FHOD1: variants seen among roughly 807,000 people sequenced by gnomAD.
FHOD1 encodes the protein formin homology 2 domain containing 1, also known as FH1/FH2 domain-containing protein 1.
FHOD1 carries 89 observed loss-of-function variants against 111.6 expected under a neutral mutation model. The ratio of observed to expected loss-of-function variants is 0.80; its 90% CI spans 0.67 to 0.95. The LOEUF is 0.95. FHOD1 is among the 40% of genes least tolerant of loss of function. The probability of loss-of-function intolerance (pLI) is 0.00; values close to 1 mark genes in which losing one functional copy is unlikely to be tolerated. For missense variants in FHOD1, 1,446 were observed against 1,554.2 expected (o/e 0.93, Z 1.17); for synonymous variants, 618 against 639.0 (o/e 0.97, Z 0.50).
Position 67,238,547 on chromosome 16 carries a change from A to G in FHOD1, c.374-100T>C, listed in dbSNP as rs2034577834. 7 of 1,186,194 alleles carry G rather than the reference A, an allele frequency of 5.9e-6. No homozygotes were observed. The highest frequency in any genetic ancestry group is 8.6e-6 in the Non-Finnish European group (7 of 815,444). The allele number at this position is 1,186,194 out of a possible 1,614,324, so 73.5% of individuals were successfully genotyped here. A position where few individuals can be genotyped will look rare whatever the true frequency, so the allele number is the denominator to read the frequency against. ...TCTCCACCAAAGAATAGTCTAATATATATGTTTTGGTCTGAGAGACAGGGT... is the reference window on the plus strand; with the variant it reads ...TCTCCACCAAAGAATAGTCTAATATGTATGTTTTGGTCTGAGAGACAGGGT... On this transcript the variant is annotated intron_variant, in intron 3 of 21. Transcript: ENST00000258201. This position sits in a 1 kb window ranked among gnomAD's most constrained non-coding sequence, Gnocchi z 4.2.
In FHOD1 at chr16:67,232,121, A is replaced by C; in HGVS notation, c.2120T>G (p.Leu707Arg). ...PKRSNAINIG[L>R]TTLPPVHVIK... ...GACATGCACAGGTGGCAGTGTGGTT[A>C]GGCCGATGTTGATGGCGTTGCTGCG... is the stretch of plus-strand genomic sequence containing the variant. The change falls in exon 14 of 22, where the codon CTA (leucine) becomes CGA (arginine). Residue 707 changes from leucine (L) to arginine (R), a missense_variant. Transcript: ENST00000258201. The C allele has an allele frequency of 6.2e-7, 1 of 1,614,224 alleles. No homozygotes were observed. The highest frequency in any genetic ancestry group is 8.5e-7 in the Non-Finnish European group (1 of 1,180,040).
At chr16:67,232,446 G>A (rs2034316453) in intron 13 of FHOD1, among the ~76,000 whole-genome samples, 1 of 151,178 alleles carries the variant, frequency 6.6e-6, no homozygotes. Flanking sequence ...GTGAACCCGG[G>A]AGGCGGAGCT....
chr16:67,234,718 A>G, intron 11 of FHOD1: 1 of 501,386 alleles, frequency 2.0e-6, no homozygotes, highest in Non-Finnish European at 3.6e-6. Flanking sequence ...GGATCTACTT[A>G]ACATCTAACT....
Position 67,231,083 on chromosome 16 carries a change from G to T in FHOD1, c.2667+105C>A, listed in dbSNP as rs534313097. 6.9e-6 allele frequency: 10 copies of T among 1,450,898 alleles called. No individual in the cohort carries two copies. The Admixed American group carries it at 1.4e-4, about 21-fold the overall frequency. The allele number at this position is 1,450,898 out of a possible 1,614,324, so 89.9% of individuals were successfully genotyped here. ...GCTCACACCCAGGTGGCTGGAGCAA[G>T]CCCTGGCACAGCAGCCCAAATGGGG... On this transcript the variant is annotated intron_variant, in intron 17 of 21. Coordinates refer to ENST00000258201, the MANE Select transcript of FHOD1 (RefSeq NM_013241.3). This position sits in a 1 kb window ranked among gnomAD's most constrained non-coding sequence, Gnocchi z 4.3.
chr16:67,232,072 A>C lies in FHOD1; in HGVS notation c.2169T>G (p.Phe723Leu), dbSNP rs1246179053. Residue 723 changes from phenylalanine to leucine, a missense_variant, in exon 14 of 22, where the codon TTT (phenylalanine) becomes TTG (leucine). By Grantham distance (22) the Phe-to-Leu change is conservative. Around this residue, in one of 3 missense-constraint regions of FHOD1, gnomAD observed 1,085 missense variants for 1,108.8 expected, o/e 0.98. Transcript: ENST00000258201. Reference sequence around the variant, plus strand: ...CATCCTTGCTGACAGCAAACTCATCAAAGTTGAGCAGAGCAGCCTTAATGA... The same window carrying C: ...CATCCTTGCTGACAGCAAACTCATCCAAGTTGAGCAGAGCAGCCTTAATGA... ...VHVIKAALLNFDEFAVSKDGI... is the reference protein window; with the variant it reads ...VHVIKAALLNLDEFAVSKDGI... The C allele has an allele frequency of 6.2e-7, 1 of 1,614,202 alleles. No individual in the cohort carries two copies. Among genetic ancestry groups the C allele is most frequent in the South Asian group, 1.1e-5 (1 of 91,078 alleles).
chr16:67,232,380 G>A (rs1213185438), intron 13 of FHOD1, among the ~76,000 whole-genome samples, 186 bp from the exon 14 acceptor site: 8 of 152,112 alleles, frequency 5.3e-5, no homozygotes, highest in South Asian at 2.1e-4. Flanking sequence ...TTAGCTGGGC[G>A]TGGTGGCGGG....
At chr16:67,243,733 C>T (rs1016148470) in intron 1 of FHOD1, among the ~76,000 whole-genome samples, 2 of 152,190 alleles carry the variant, frequency 1.3e-5, no homozygotes, top group African/African-American at 4.8e-5. Flanking sequence ...AAGACATCCT[C>T]TTAGTTTTCT....
rs73589001 is a variant in FHOD1 at position 67,238,370 on chromosome 16, G to A, written c.441+10C>T. On this transcript the variant is annotated intron_variant, in intron 4 of 21. Coordinates refer to ENST00000258201, the MANE Select transcript of FHOD1 (RefSeq NM_013241.3). This position sits in a 1 kb window ranked among gnomAD's most constrained non-coding sequence, Gnocchi z 4.2. ...TACACACTTACCCCCAGCCCACTGC[G>A]GGGCCTCACCTGGAAGATCTGCTTC... 13,286 of 1,613,972 alleles carry A rather than the reference G, an allele frequency of 8.2e-3. 912 individuals are homozygous for A. In the African/African-American group the frequency reaches 0.16, roughly 19 times the overall value.
At chr16:67,232,362 A>G (rs2034312096) in intron 13 of FHOD1, among the ~76,000 whole-genome samples, 168 bp from the exon 14 acceptor site, 1 of 151,494 alleles carries the variant, frequency 6.6e-6, no homozygotes, top group African/African-American at 2.4e-5. Flanking sequence ...CTAAAAATAC[A>G]AAAAAAATTA....
intron 10 of FHOD1, 59 bp from the exon 11 acceptor site, chr16:67,236,792 G>A: frequency 7.5e-7 from 1 of 1,325,250 alleles, no homozygotes; most frequent in Non-Finnish European, 1.0e-6. Flanking sequence ...GGGCCTGTCA[G>A]TGGGGTGGGG....
intron 20 of FHOD1, 35 bp downstream of exon 20, chr16:67,230,031 T>C (rs771765804): frequency 1.9e-6 from 3 of 1,612,958 alleles, no homozygotes. Flanking sequence ...AAGGTGGCAC[T>C]GGAGCCCATT....
Position 67,233,811 on chromosome 16 carries a change from C to T in FHOD1, c.1892G>A (p.Trp631Ter), listed in dbSNP as rs1354082668. ...GCCCCCAGCCAGCTTCAGCTCACGC[C>T]AGAAAAGTTTTACTGTCTTCCTCTT... ...PTKRKTVKLF[W>*]RELKLAGGHG... is the part of the protein sequence containing the mutation. Residue 631 changes from tryptophan to a stop codon, truncating the protein, a stop_gained, in exon 13 of 22, where the codon TGG (tryptophan) becomes TAG (stop). Coordinates refer to ENST00000258201, the MANE Select transcript of FHOD1 (RefSeq NM_013241.3). LOFTEE classifies it high-confidence loss of function. 2 of 1,613,496 alleles carry T rather than the reference C, an allele frequency of 1.2e-6. No individual in the cohort carries two copies. Among genetic ancestry groups the T allele is most frequent in the Admixed American group, 3.3e-5 (2 of 59,966 alleles).
Position 67,237,898 on chromosome 16 carries a change from C to A in FHOD1, c.643-130G>T. 1 of 1,301,762 alleles carries A rather than the reference C, an allele frequency of 7.7e-7. No individual in the cohort carries two copies. The highest frequency in any genetic ancestry group is 1.1e-6 in the Non-Finnish European group (1 of 911,536). The allele number at this position is 1,301,762 out of a possible 1,614,324, so 80.6% of individuals were successfully genotyped here. On this transcript the variant is annotated intron_variant, in intron 6 of 21. Transcript: ENST00000258201. The surrounding 1 kb of genome is among the most constrained non-coding windows in gnomAD (Gnocchi z 5.6). Reference sequence around the variant, plus strand: ...AGGCAGAATGACCCTGGCCCCAGGCCCAGGCACTGAAGTGCCTTATAGGCT... The same window carrying A: ...AGGCAGAATGACCCTGGCCCCAGGCACAGGCACTGAAGTGCCTTATAGGCT...
chr16:67,241,155 G>A (rs771605813), intron 1 of FHOD1, among the ~76,000 whole-genome samples: 6 of 126,614 alleles, frequency 4.7e-5, no homozygotes, highest in Non-Finnish European at 9.3e-5. Flanking sequence ...CTGGGACATA[G>A]GACAAACACT....
intron 11 of FHOD1, among the ~76,000 whole-genome samples, chr16:67,235,279 C>A (rs1481788150): frequency 1.3e-5 from 2 of 152,162 alleles, no homozygotes; most frequent in Non-Finnish European, 2.9e-5. Context: ...CTTGTAATCC[C>A]AGCACTTTGG....
chr16:67,234,660 G>C, intron 11 of FHOD1, 188 bp from the exon 12 acceptor site: 1 of 551,594 alleles, frequency 1.8e-6, no homozygotes. Context: ...TCCACATCTG[G>C]GGAGGATTAC....
In FHOD1 at chr16:67,231,841, G is replaced by C. The variant is rs1445936816; in HGVS notation, c.2203-22C>G. The C allele has an allele frequency of 6.2e-7, 1 of 1,609,320 alleles. No homozygotes were observed. The highest frequency in any genetic ancestry group is 1.7e-5 in the Admixed American group (1 of 59,658). On this transcript the variant is annotated intron_variant, in intron 14 of 21. Transcript: ENST00000258201. This position sits in a 1 kb window ranked among gnomAD's most constrained non-coding sequence, Gnocchi z 4.3. ...GCTTCTGAGGATGTAGCCAGAGCCT[G>C]ACATGGCCCCCTCAATGCAGGCCTG...
Position 67,236,973 on chromosome 16 carries a change from C to A in FHOD1, c.1135G>T (p.Glu379Ter). 1 of 1,588,050 alleles carries A rather than the reference C, an allele frequency of 6.3e-7. No individual in the cohort carries two copies. Among genetic ancestry groups the A allele is most frequent in the Middle Eastern group, 1.7e-4 (1 of 5,886 alleles). Reference sequence around the variant, plus strand: ...ACAGATGCTCGTACTTACCCAGGTTCCGGGGCACGCGCGGGGCAGCCCCCG... The same window carrying A: ...ACAGATGCTCGTACTTACCCAGGTTACGGGGCACGCGCGGGGCAGCCCCCG... ...EGGGCPARAP[E>*]PGPTGPASPV... The change falls in exon 10 of 22, where the codon GAA becomes TAA. Residue 379 changes from glutamate (E) to a stop codon, truncating the protein, a stop_gained. Coordinates refer to ENST00000258201, the MANE Select transcript of FHOD1 (RefSeq NM_013241.3). LOFTEE classifies it high-confidence loss of function.
chr16:67,235,543 A>C (rs1032593765), intron 11 of FHOD1, among the ~76,000 whole-genome samples: 2 of 150,598 alleles, frequency 1.3e-5, no homozygotes, highest in African/African-American at 2.4e-5. Flanking sequence ...AAAAAAAAAA[A>C]CAAAAAAAAA....
Sources: gnomAD v4.1 joint callset for allele counts (sites outside exome capture counted in the v4.1 genomes callset) on GRCh38, gnomAD v4.1.1 for gene constraint, gnomAD v4.1.1 regional missense constraint, Gnocchi (gnomAD v3.1) non-coding constraint, MANE v1.5 for transcripts, NCBI Gene and HGNC (gene_info 2026-07-23, HGNC 2026-07-21) for gene names.